VPS41: variants seen among roughly 807,000 people sequenced by gnomAD.
VPS41 encodes vacuolar protein sorting-associated protein 41 homolog.
VPS41 carries 85 observed loss-of-function variants against 130.9 expected under a neutral mutation model. The observed-to-expected ratio is 0.65, with a 90% CI of 0.55 to 0.78. VPS41 has a LOEUF of 0.78. Among genes scored for constraint, VPS41 ranks in the 30% least tolerant of loss-of-function variants. VPS41 has a pLI of 0.00. For synonymous variants in VPS41, 335 were observed against 332.9 expected, an observed-to-expected ratio of 1.01 and a Z score of -0.07; for missense variants, 874 against 1,018.7, an observed-to-expected ratio of 0.86 and a Z score of 1.93.
chr7:38,800,863 T>G (rs1205454057), intron 7 of VPS41, among the ~76,000 whole-genome samples: 1 of 149,758 alleles, frequency 6.7e-6, no homozygotes, highest in Non-Finnish European at 1.5e-5. Flanking sequence ...TAAATAAAAA[T>G]TCACTGGAAC....
intron 2 of VPS41, among the ~76,000 whole-genome samples, chr7:38,881,473 G>A (rs1279197627): frequency 2.0e-5 from 3 of 152,168 alleles, no homozygotes; most frequent in Non-Finnish European, 4.4e-5. Flanking sequence ...ACAGGTTCCA[G>A]GGATTAGGAT....
At chr7:38,874,293 T>C (rs1274094957) in intron 2 of VPS41, among the ~76,000 whole-genome samples, 2 of 152,224 alleles carry the variant, frequency 1.3e-5, no homozygotes, top group Non-Finnish European at 2.9e-5. Flanking sequence ...TACACAGAAC[T>C]TAAAATGTCA....
intron 5 of VPS41, among the ~76,000 whole-genome samples, chr7:38,825,036 G>T (rs1265556250): frequency 6.6e-6 from 1 of 152,104 alleles, no homozygotes; most frequent in Non-Finnish European, 1.5e-5. Flanking sequence ...GTGATAAAGA[G>T]GAATAAACAA....
rs753772174 is a variant in VPS41, at chr7:38,752,313, A to G, written c.1789T>C (p.Tyr597His). ...TCTCTCTTGAAAAGCTTATGCAAAT[A>G]CTAAAAGGAACAAAAGATAAGCCGT... ...LEDRPELQHV[Y>H]LHKLFKRDHH... is the part of the protein sequence containing the mutation. Residue 597 changes from tyrosine to histidine, a missense_variant and splice_region_variant, in exon 22 of 29, where the codon TAT becomes CAT. Tyr to His is a moderately conservative substitution (Grantham distance 83). Coordinates refer to ENST00000310301, the MANE Select transcript of VPS41 (RefSeq NM_014396.4). 3 of 1,613,670 alleles carry G rather than the reference A, an allele frequency of 1.9e-6. No individual in the cohort carries two copies. Among genetic ancestry groups the G allele is most frequent in the Non-Finnish European group, 2.5e-6 (3 of 1,179,750 alleles).
chr7:38,871,272 G>T (rs1786352332), intron 2 of VPS41, among the ~76,000 whole-genome samples: 1 of 152,208 alleles, frequency 6.6e-6, no homozygotes, highest in African/African-American at 2.4e-5. Flanking sequence ...CTCTGCCTAT[G>T]GAAGATTATA....
chr7:38,763,769 T>C (rs1783971104), intron 16 of VPS41, among the ~76,000 whole-genome samples: 1 of 152,166 alleles, frequency 6.6e-6, no homozygotes, highest in Admixed American at 6.5e-5. Context: ...AATTTAAAAA[T>C]TGCCTAGGTT....
intron 10 of VPS41, among the ~76,000 whole-genome samples, chr7:38,781,703 A>G (rs1784356833): frequency 6.6e-6 from 1 of 152,072 alleles, no homozygotes; most frequent in Non-Finnish European, 1.5e-5. Flanking sequence ...CCTCTTACCA[A>G]CATTATCTTT....
intron 5 of VPS41, among the ~76,000 whole-genome samples, chr7:38,827,595 G>C (rs1785304895): frequency 6.6e-6 from 1 of 152,118 alleles, no homozygotes; most frequent in Admixed American, 6.6e-5. Context: ...CTCCTCAGGG[G>C]CCTCCCACTG....
intron 19 of VPS41, among the ~76,000 whole-genome samples, chr7:38,756,617 T>C (rs186620982): frequency 6.6e-5 from 10 of 152,342 alleles, no homozygotes; most frequent in Admixed American, 6.5e-4. Context: ...TCTATCAACT[T>C]TGAATTGCTT....
chr7:38,894,388 A>C (rs1008680551), intron 2 of VPS41, among the ~76,000 whole-genome samples: 25 of 151,850 alleles, frequency 1.6e-4, no homozygotes, highest in African/African-American at 5.8e-4. Flanking sequence ...CAGTAGAATC[A>C]GTAATATCTA....
At chr7:38,863,590 A>G (rs945408123) in intron 3 of VPS41, among the ~76,000 whole-genome samples, 1 of 152,216 alleles carries the variant, frequency 6.6e-6, no homozygotes, top group African/African-American at 2.4e-5. Context: ...ATGAAGCTAC[A>G]TTAAAGAGGA....
intron 10 of VPS41, among the ~76,000 whole-genome samples, chr7:38,780,504 A>T (rs183771955): frequency 6.6e-6 from 1 of 152,300 alleles, no homozygotes; most frequent in Non-Finnish European, 1.5e-5. Flanking sequence ...AGTAAGAAAG[A>T]GAGGTTCAAA....
At chr7:38,773,994 T>A in intron 12 of VPS41, 121 bp downstream of exon 12, 1 of 947,286 alleles carries the variant, frequency 1.1e-6, no homozygotes, top group Non-Finnish European at 1.5e-6. Flanking sequence ...ACACACAGTC[T>A]ACGCAGGTAT....
intron 7 of VPS41, among the ~76,000 whole-genome samples, chr7:38,797,251 C>A (rs1275537556): frequency 6.6e-6 from 1 of 152,152 alleles, no homozygotes; most frequent in Non-Finnish European, 1.5e-5. Flanking sequence ...AAGTTTTTCA[C>A]TGAAAATAAG....
intron 12 of VPS41, 86 bp from the exon 13 acceptor site, chr7:38,772,723 C>T (rs1562580995): frequency 1.2e-6 from 1 of 825,310 alleles, no homozygotes; most frequent in Non-Finnish European, 2.0e-6. Context: ...TTAGGTTACC[C>T]AACCCAAGAG....
intron 7 of VPS41, among the ~76,000 whole-genome samples, chr7:38,809,181 A>G (rs1297280058): frequency 6.6e-6 from 1 of 151,874 alleles, no homozygotes; most frequent in African/African-American, 2.4e-5. Flanking sequence ...TCATCATTGT[A>G]TAACTTAAAT....
intron 7 of VPS41, among the ~76,000 whole-genome samples, chr7:38,811,425 T>G (rs73115614): frequency 0.061 from 9,217 of 152,088 alleles, 289 homozygotes; most frequent in Middle Eastern, 0.082. Flanking sequence ...ATGATAAAAT[T>G]TAATGGATCC....
intron 4 of VPS41, among the ~76,000 whole-genome samples, chr7:38,837,279 CT>C (rs1785515921): frequency 6.6e-6 from 1 of 152,068 alleles, no homozygotes; most frequent in Non-Finnish European, 1.5e-5. Flanking sequence ...TGGGTGGGGG[CT>C]TTGGGTCAGA....
intron 4 of VPS41, among the ~76,000 whole-genome samples, chr7:38,858,561 G>T (rs990690680): frequency 1.1e-4 from 17 of 152,110 alleles, no homozygotes; most frequent in African/African-American, 4.1e-4. Context: ...AGACTACAGT[G>T]GTCCTATAAG....
Sources: allele counts gnomAD v4.1 joint callset (sites outside exome capture counted in the v4.1 genomes callset), GRCh38; gene constraint gnomAD v4.1.1; transcripts MANE v1.5; gene names NCBI Gene and HGNC (gene_info 2026-07-23, HGNC 2026-07-21).